The following SLC25A48 variants were observed in gnomAD, a reference collection of about 807,000 sequenced individuals.
SLC25A48 encodes the protein solute carrier family 25 member 48.
A neutral mutation model predicts 32.2 loss-of-function variants in SLC25A48; 29 were observed. That is an observed-to-expected ratio of 0.90 (90% confidence interval 0.67 to 1.23). The LOEUF (loss-of-function observed/expected upper bound fraction) is 1.23. Ranked by LOEUF, SLC25A48 falls within the 50% of genes most tolerant of loss-of-function variation. The pLI is 0.00. For synonymous variants in SLC25A48, 164 were observed against 172.3 expected (o/e 0.95, Z 0.38); for missense variants, 399 against 422.7 (o/e 0.94, Z 0.49).
At chr5:135,788,612 C>G (rs914661765) in intron 3 of SLC25A48, among the ~76,000 whole-genome samples, 17 of 149,840 alleles carry the variant, frequency 1.1e-4, no homozygotes, top group African/African-American at 4.2e-4. Context: ...TTCGTAATAT[C>G]CAGGGCAGGG....
intron 2 of SLC25A48, among the ~76,000 whole-genome samples, chr5:135,631,966 G>C (rs1207041887): frequency 6.6e-6 from 1 of 152,206 alleles, no homozygotes; most frequent in Non-Finnish European, 1.5e-5. Flanking sequence ...TCTTTGAGAC[G>C]ATGTCAGCCC....
At chr5:135,631,822 T>A (rs1388258605) in intron 2 of SLC25A48, among the ~76,000 whole-genome samples, 1 of 152,224 alleles carries the variant, frequency 6.6e-6, no homozygotes, top group Non-Finnish European at 1.5e-5. Context: ...GCCACATGAT[T>A]TAAAGAGTTT....
intron 3 of SLC25A48, among the ~76,000 whole-genome samples, chr5:135,666,474 A>G (rs1485403304): frequency 6.6e-6 from 1 of 152,134 alleles, no homozygotes; most frequent in Admixed American, 6.5e-5. Flanking sequence ...CCCAATTCTA[A>G]TCACTCCTGG....
intron 3 of SLC25A48, among the ~76,000 whole-genome samples, chr5:135,772,039 G>C (rs970026231): frequency 6.6e-6 from 1 of 151,368 alleles, no homozygotes; most frequent in African/African-American, 2.4e-5. Context: ...ATTCATAATG[G>C]GAGAGGATGG....
chr5:135,852,492 C>G, intron 3 of SLC25A48, 71 bp from the exon 4 acceptor site: 1 of 1,526,874 alleles, frequency 6.5e-7, no homozygotes, highest in Non-Finnish European at 8.9e-7. Context: ...GGTGGTGTAC[C>G]CCGTCAGCCT....
At chr5:135,706,777 C>G (rs942668100) in intron 3 of SLC25A48, among the ~76,000 whole-genome samples, 1 of 152,092 alleles carries the variant, frequency 6.6e-6, no homozygotes, top group Non-Finnish European at 1.5e-5. Context: ...CTCATCTCCC[C>G]GATTGGGTCT....
intron 2 of SLC25A48, among the ~76,000 whole-genome samples, chr5:135,630,617 TTTTTGAG>T (rs1752536722): frequency 8.7e-6 from 1 of 115,486 alleles, no homozygotes; most frequent in African/African-American, 3.5e-5. Flanking sequence ...TTTTTTTTTT[TTTTTGAG>T]AGAGTCATGC....
chr5:135,667,073 C>T (rs1480522731), intron 3 of SLC25A48, among the ~76,000 whole-genome samples: 2 of 152,096 alleles, frequency 1.3e-5, no homozygotes, highest in Non-Finnish European at 2.9e-5. Context: ...TTTTCCATAT[C>T]TCAGCTTTAT....
At chr5:135,627,601 G>A (rs1489147732) in intron 1 of SLC25A48, among the ~76,000 whole-genome samples, 4 of 152,018 alleles carry the variant, frequency 2.6e-5, no homozygotes, top group Admixed American at 2.0e-4. Context: ...TTTTTTGACT[G>A]GACCCTGACT....
intron 1 of SLC25A48, among the ~76,000 whole-genome samples, chr5:135,621,692 T>TA (rs530724013): frequency 2.2e-4 from 32 of 148,070 alleles, no homozygotes; most frequent in East Asian, 2.0e-4. Flanking sequence ...CATCCACTAC[T>TA]AAAAAAAAAA....
At chr5:135,732,093 G>T (rs62364624) in intron 3 of SLC25A48, among the ~76,000 whole-genome samples, 3 of 151,986 alleles carry the variant, frequency 2.0e-5, no homozygotes, top group African/African-American at 4.8e-5. Context: ...GGACAGGCCC[G>T]AATTTTGAGA....
chr5:135,706,071 A>G (rs958877357), intron 3 of SLC25A48, among the ~76,000 whole-genome samples: 4 of 152,194 alleles, frequency 2.6e-5, no homozygotes, highest in Non-Finnish European at 4.4e-5. Context: ...CTTTTCAAAG[A>G]AAGCCTCTTC....
intron 3 of SLC25A48, among the ~76,000 whole-genome samples, chr5:135,722,736 C>G (rs757316966): frequency 1.3e-5 from 2 of 152,226 alleles, no homozygotes; most frequent in Non-Finnish European, 2.9e-5. Flanking sequence ...ATGATTGAAA[C>G]AACAGCAGCA....
chr5:135,746,705 A>C (rs1037077882), intron 3 of SLC25A48, among the ~76,000 whole-genome samples: 1 of 152,106 alleles, frequency 6.6e-6, no homozygotes, highest in African/African-American at 2.4e-5. Flanking sequence ...TTTCATACCC[A>C]AGAGATTTAA....
intron 3 of SLC25A48, among the ~76,000 whole-genome samples, chr5:135,732,503 C>T (rs1369770178): frequency 6.6e-6 from 1 of 152,078 alleles, no homozygotes; most frequent in Non-Finnish European, 1.5e-5. Context: ...GGGGCAAATC[C>T]CCGAGCTTGA....
At chr5:135,696,672 C>T (rs1359726557) in intron 3 of SLC25A48, among the ~76,000 whole-genome samples, 1 of 152,216 alleles carries the variant, frequency 6.6e-6, no homozygotes. Context: ...GGAGACCCAA[C>T]TGGGAAACTC....
At chr5:135,636,864 T>A (rs141862004) in intron 3 of SLC25A48, among the ~76,000 whole-genome samples, 219 of 152,330 alleles carry the variant, frequency 1.4e-3, no homozygotes, top group African/African-American at 4.9e-3. Context: ...CCAAGCCACG[T>A]TCTGCATCTC....
chr5:135,780,050 G>T (rs1322948916), intron 3 of SLC25A48, among the ~76,000 whole-genome samples: 3 of 116,432 alleles, frequency 2.6e-5, no homozygotes, highest in African/African-American at 7.8e-5. Flanking sequence ...ATCTGATAGG[G>T]TGTACAAAAC....
chr5:135,591,245 C>T (rs1467311135), intron 1 of SLC25A48, among the ~76,000 whole-genome samples: 1 of 152,240 alleles, frequency 6.6e-6, no homozygotes, highest in Non-Finnish European at 1.5e-5. Flanking sequence ...GGCAGGCATT[C>T]TGATCCCCTT....
Sources: allele counts gnomAD v4.1 joint callset (sites outside exome capture counted in the v4.1 genomes callset), GRCh38; gene constraint gnomAD v4.1.1; transcripts MANE v1.5; gene names NCBI Gene and HGNC (gene_info 2026-07-23, HGNC 2026-07-21).